The following ZNF652 variants were observed in gnomAD, a reference collection of about 807,000 sequenced individuals.
ZNF652 encodes zinc finger protein 652.
In ZNF652, 16 loss-of-function variants were observed where a neutral mutation model predicts 45.2. The observed-to-expected ratio is 0.35, with a 90% CI of 0.24 to 0.54. ZNF652 has a LOEUF of 0.54. Ranked by LOEUF, ZNF652 falls within the 20% of genes least tolerant of loss-of-function variation. The pLI, the probability that ZNF652 is intolerant of heterozygous loss-of-function variation, is 0.91. For missense variants in ZNF652, 614 were observed against 765.6 expected, an observed-to-expected ratio of 0.80 and a Z score of 2.34; for synonymous variants, 250 against 260.6, an observed-to-expected ratio of 0.96 and a Z score of 0.39.
Position 49,296,194 on chromosome 17 carries a change from G to A in ZNF652, c.*2219C>T, listed in dbSNP as rs2069474898. 1 of 151,998 alleles carries A rather than the reference G, an allele frequency of 6.6e-6. No individual in the cohort carries two copies. Among genetic ancestry groups the A allele is most frequent in the Non-Finnish European group, 1.5e-5 (1 of 68,030 alleles). The allele number at this position is 151,998 out of a possible 1,614,324, so 9.4% of individuals were successfully genotyped here. A position where few individuals can be genotyped will look rare whatever the true frequency, so the allele number is the denominator to read the frequency against. ...TCCTTATTGGCTTGGGTACCTGGGT[G>A]CTCAAAGAATGTGTACAAATATTAA... On this transcript the variant is annotated 3_prime_UTR_variant, in exon 6 of 6. Coordinates refer to ENST00000430262, the MANE Select transcript of ZNF652 (RefSeq NM_001145365.3).
intron 1 of ZNF652, among the ~76,000 whole-genome samples, chr17:49,350,994 T>TATATA: frequency 4.6e-5 from 1 of 21,960 alleles, no homozygotes; most frequent in Non-Finnish European, 1.0e-4. Context: ...TATATATATA[T>TATATA]ATATATATAT....
intron 1 of ZNF652, among the ~76,000 whole-genome samples, chr17:49,354,575 C>A (rs568314285): frequency 1.0e-4 from 15 of 149,156 alleles, no homozygotes; most frequent in Admixed American, 1.3e-4. Flanking sequence ...CACGCCACTG[C>A]ACCTCAGCCT....
intron 1 of ZNF652, among the ~76,000 whole-genome samples, chr17:49,335,478 A>G (rs1033958887): frequency 6.6e-6 from 1 of 152,050 alleles, no homozygotes; most frequent in African/African-American, 2.4e-5. Context: ...CTGGTCACCT[A>G]TTGCCACACA....
intron 1 of ZNF652, among the ~76,000 whole-genome samples, chr17:49,348,365 C>G (rs1263475567): frequency 1.3e-5 from 2 of 151,446 alleles, no homozygotes. Context: ...TGTGTGTGTG[C>G]CTCCCAGCTA....
At position 49,298,347 on chromosome 17, in the gene ZNF652, G is replaced by C; in HGVS notation, c.*66C>G. Reference sequence around the variant, plus strand: ...TCTGAGAACTAAGGAAATGCTCACCGACTCCCTCTGTGCACGCTCACACAT... The same window carrying C: ...TCTGAGAACTAAGGAAATGCTCACCCACTCCCTCTGTGCACGCTCACACAT... On this transcript the variant is annotated 3_prime_UTR_variant, in exon 6 of 6. Transcript: ENST00000430262. 6.3e-7 allele frequency: 1 copy of C among 1,585,392 alleles called. No individual in the cohort carries two copies. The highest frequency in any genetic ancestry group is 8.6e-7 in the Non-Finnish European group (1 of 1,164,154).
chr17:49,298,529 G>C lies in ZNF652; in HGVS notation c.1705C>G (p.His569Asp). 6.2e-7 allele frequency: 1 copy of C among 1,612,308 alleles called. No individual in the cohort carries two copies. The highest frequency in any genetic ancestry group is 8.5e-7 in the Non-Finnish European group (1 of 1,179,498). The change falls in exon 6 of 6, where the codon CAC (histidine) becomes GAC (aspartate). Residue 569 changes from histidine (H) to aspartate (D), a missense_variant. By Grantham distance (81) the His-to-Asp change is moderately conservative. Transcript: ENST00000430262. ...PHHLPIPPVP[H>D]LPPPPALFKS... ...AAGAGAGCTGGAGGTGGCGGGAGGTGAGGGACTGGAGGGATGGGAAGGTGG... is the reference window on the plus strand; with the variant it reads ...AAGAGAGCTGGAGGTGGCGGGAGGTCAGGGACTGGAGGGATGGGAAGGTGG...
chr17:49,361,228 CA>C (rs1306207338), intron 1 of ZNF652: 1 of 152,150 alleles, frequency 6.6e-6, no homozygotes, highest in East Asian at 1.9e-4. Flanking sequence ...CGAGGTGAGG[CA>C]GGGGCATTTA....
chr17:49,360,480 A>G (rs2070381188), intron 1 of ZNF652, among the ~76,000 whole-genome samples: 1 of 152,210 alleles, frequency 6.6e-6, no homozygotes, highest in Non-Finnish European at 1.5e-5. Flanking sequence ...AACTTAGTGA[A>G]CAGTTTAAAC....
At chr17:49,306,960 C>T (rs1425355150) in intron 5 of ZNF652, among the ~76,000 whole-genome samples, 2 of 151,298 alleles carry the variant, frequency 1.3e-5, no homozygotes, top group African/African-American at 4.8e-5. Flanking sequence ...GCTGTGTTGG[C>T]CAGGCTGGTC....
intron 1 of ZNF652, among the ~76,000 whole-genome samples, chr17:49,328,290 AG>A (rs2069987861): frequency 6.6e-6 from 1 of 151,966 alleles, no homozygotes; most frequent in African/African-American, 2.4e-5. Flanking sequence ...AGTCAGATGG[AG>A]AAGTGGGAAG....
chr17:49,347,743 T>G (rs986108724), intron 1 of ZNF652, among the ~76,000 whole-genome samples: 1 of 75,980 alleles, frequency 1.3e-5, no homozygotes, highest in East Asian at 5.4e-4. Flanking sequence ...TGGTTTTGTT[T>G]TTTTTTTTTT....
intron 1 of ZNF652, among the ~76,000 whole-genome samples, chr17:49,354,202 A>G (rs1160688137): frequency 2.0e-5 from 3 of 152,118 alleles, no homozygotes; most frequent in African/African-American, 7.2e-5. Flanking sequence ...ATTATATTAT[A>G]TAAGCTTTAA....
intron 1 of ZNF652, among the ~76,000 whole-genome samples, chr17:49,334,772 C>T (rs985632011): frequency 2.9e-5 from 4 of 137,852 alleles, no homozygotes; most frequent in South Asian, 4.8e-4. Flanking sequence ...GAGCAAGACT[C>T]GATCTCCAAA....
intron 1 of ZNF652, among the ~76,000 whole-genome samples, chr17:49,326,495 T>C (rs2069958090): frequency 6.6e-6 from 1 of 152,140 alleles, no homozygotes; most frequent in African/African-American, 2.4e-5. Flanking sequence ...TCCCCCATTG[T>C]ATATTTTGGA....
At chr17:49,344,865 GA>G (rs2070187999) in intron 1 of ZNF652, among the ~76,000 whole-genome samples, 1 of 152,088 alleles carries the variant, frequency 6.6e-6, no homozygotes, top group Non-Finnish European at 1.5e-5. Context: ...CATCTTCAAG[GA>G]ATGTGGCTAG....
chr17:49,322,575 G>A (rs1438700186), intron 1 of ZNF652: 1 of 152,182 alleles, frequency 6.6e-6, no homozygotes, highest in Non-Finnish European at 1.5e-5. Flanking sequence ...GTGCATATAA[G>A]TTATGTTTAC....
In ZNF652 at chr17:49,298,161, TAA is replaced by T. The variant is rs550679091; in HGVS notation, c.*250_*251del. 14 of 518,842 alleles carry T rather than the reference TAA, an allele frequency of 2.7e-5. No individual in the cohort carries two copies. The East Asian group carries it at 3.8e-4, about 14-fold the overall frequency. The allele number at this position is 518,842 out of a possible 1,614,324, so 32.1% of individuals were successfully genotyped here. ...CACAAGTCTGAGTATTTGAAACTTATAAAAGTCATCAGAAAATGCAAGCAAAT... is the reference window on the plus strand; with the variant it reads ...CACAAGTCTGAGTATTTGAAACTTATAAGTCATCAGAAAATGCAAGCAAAT... On this transcript the variant is annotated 3_prime_UTR_variant, in exon 6 of 6. Coordinates refer to ENST00000430262, the MANE Select transcript of ZNF652 (RefSeq NM_001145365.3).
chr17:49,292,407 C>G lies in ZNF652; in HGVS notation c.*6006G>C, dbSNP rs1027181902. Among the ~76,000 whole-genome samples the G allele has an allele frequency of 6.6e-6, 1 of 152,158 alleles. No individual in the cohort carries two copies. ...ATTACATCCTTCATATATTATGGAT[C>G]CATCATACATTTTAAACAAATTAGA... On this transcript the variant is annotated 3_prime_UTR_variant, in exon 6 of 6. Transcript: ENST00000430262.
chr17:49,307,568 C>T (rs2069648970), intron 5 of ZNF652, among the ~76,000 whole-genome samples: 1 of 149,022 alleles, frequency 6.7e-6, no homozygotes, highest in Admixed American at 6.7e-5. Flanking sequence ...AGTGAAACCC[C>T]CATCTCTACT....
Sources: allele counts gnomAD v4.1 joint callset (sites outside exome capture counted in the v4.1 genomes callset), GRCh38; gene constraint gnomAD v4.1.1; transcripts MANE v1.5; gene names NCBI Gene and HGNC (gene_info 2026-07-23, HGNC 2026-07-21).